NBAS: variants seen among roughly 807,000 people sequenced by gnomAD.
The protein encoded by NBAS is NBAS subunit of NRZ tethering complex.
Under a neutral mutation model 302.5 loss-of-function variants are expected in NBAS, and 219 were observed. The ratio of observed to expected loss-of-function variants is 0.72; its 90% CI spans 0.65 to 0.81. NBAS has a LOEUF of 0.81. NBAS is among the 30% of genes least tolerant of loss of function. NBAS has a pLI of 0.00. For missense variants in NBAS, 2,932 were observed against 2,841.6 expected, an observed-to-expected ratio of 1.03 and a Z score of -0.72; for synonymous variants, 1,118 against 1,021.6, an observed-to-expected ratio of 1.09 and a Z score of -1.80.
intron 34 of NBAS, 147 bp downstream of exon 34, chr2:15,353,406 T>A: frequency 1.0e-6 from 1 of 986,568 alleles, no homozygotes; most frequent in Non-Finnish European, 1.6e-6. Context: ...AATATTTTCA[T>A]GTCCCTTTTC....
intron 12 of NBAS, among the ~76,000 whole-genome samples, chr2:15,485,062 C>A (rs1861768): frequency 0.63 from 95,021 of 151,692 alleles, 30,489 homozygotes; most frequent in Middle Eastern, 0.68. Context: ...TACCACCTTC[C>A]CCCAACCCCA....
At chr2:15,501,635 G>A (rs1292675863) in intron 11 of NBAS, among the ~76,000 whole-genome samples, 2 of 138,996 alleles carry the variant, frequency 1.4e-5, no homozygotes, top group Non-Finnish European at 3.0e-5. Flanking sequence ...TGTCGCCCAG[G>A]CTGGAGTGCA....
At chr2:15,391,258 C>T (rs1193021191) in intron 28 of NBAS, among the ~76,000 whole-genome samples, 2 of 151,108 alleles carry the variant, frequency 1.3e-5, no homozygotes, top group Non-Finnish European at 2.9e-5. Flanking sequence ...AAAAAGCAAA[C>T]GATGGTGTTA....
chr2:15,059,947 T>TAA, the NBAS span, among the ~76,000 whole-genome samples: 9 of 50,026 alleles, frequency 1.8e-4, no homozygotes, highest in East Asian at 5.2e-4. Context: ...GCAGTGCTGC[T>TAA]AAAAAAAAAA....
chr2:15,394,250 T>G lies in NBAS; in HGVS notation c.3234A>C (p.Arg1078Ser), dbSNP rs966269568. 23 of 1,611,458 alleles carry G rather than the reference T, an allele frequency of 1.4e-5. No homozygotes were observed. Among genetic ancestry groups the G allele is most frequent in the Non-Finnish European group, 2.0e-5 (23 of 1,178,586 alleles). The part of the protein sequence containing the change: ...SSEEARKLMV[R>S]LTRHTGRKQP... ...ACTTCCGGCCAGTGTGCCTCGTCAA[T>G]CTAACCATCAGCTTGCGTGCCTCTT... The change falls in exon 28 of 52, where the codon AGA becomes AGC. Residue 1078 changes from arginine to serine, a missense_variant. Physicochemically the swap from Arg to Ser is moderately radical, Grantham distance 110. Coordinates refer to ENST00000281513, the MANE Select transcript of NBAS (RefSeq NM_015909.4).
the NBAS span, among the ~76,000 whole-genome samples, chr2:15,023,726 A>G: frequency 4.4e-4 from 66 of 151,090 alleles, no homozygotes; most frequent in African/African-American, 1.6e-3. Flanking sequence ...GCTTTTCTCT[A>G]AGTTGAAAAT....
At chr2:15,159,071 C>T in the NBAS span, among the ~76,000 whole-genome samples, 1 of 152,188 alleles carries the variant, frequency 6.6e-6, no homozygotes, top group Non-Finnish European at 1.5e-5. Context: ...TCTTCCACCC[C>T]TTTGCTCTTG....
the NBAS span, among the ~76,000 whole-genome samples, chr2:14,956,880 C>A: frequency 6.6e-6 from 1 of 151,992 alleles, no homozygotes; most frequent in Non-Finnish European, 1.5e-5. Context: ...GGTATGCTCC[C>A]CCAAAATTCA....
the NBAS span, among the ~76,000 whole-genome samples, chr2:14,969,146 T>A: frequency 1.3e-5 from 2 of 152,118 alleles, no homozygotes; most frequent in African/African-American, 4.8e-5. Flanking sequence ...CCTAGAATAG[T>A]CAATTCTACA....
the NBAS span, among the ~76,000 whole-genome samples, chr2:14,914,533 C>T: frequency 6.6e-6 from 1 of 152,186 alleles, no homozygotes; most frequent in Non-Finnish European, 1.5e-5. Flanking sequence ...CTGTGCCCAG[C>T]CCCTTGTCAA....
intron 38 of NBAS, among the ~76,000 whole-genome samples, chr2:15,311,363 G>A (rs1671267659): frequency 6.6e-6 from 1 of 152,174 alleles, no homozygotes; most frequent in African/African-American, 2.4e-5. Flanking sequence ...AAAGTGCAGA[G>A]CATCACTCTA....
chr2:14,844,600 G>A, the NBAS span, among the ~76,000 whole-genome samples: 1 of 152,116 alleles, frequency 6.6e-6, no homozygotes, highest in Non-Finnish European at 1.5e-5. Flanking sequence ...GTGGGCTCAT[G>A]GGGTCCCCAA....
chr2:14,804,172 A>T, the NBAS span, among the ~76,000 whole-genome samples: 1 of 152,174 alleles, frequency 6.6e-6, no homozygotes, highest in Non-Finnish European at 1.5e-5. Context: ...CACCCAATGC[A>T]CATGTGCCCC....
the NBAS span, among the ~76,000 whole-genome samples, chr2:14,800,791 G>GTT: frequency 8.0e-4 from 111 of 137,906 alleles, no homozygotes; most frequent in African/African-American, 2.2e-3. Flanking sequence ...AATTGTTTTT[G>GTT]TTTTTTTTTT....
At chr2:15,149,135 A>G in the NBAS span, among the ~76,000 whole-genome samples, 3 of 152,336 alleles carry the variant, frequency 2.0e-5, no homozygotes, top group Middle Eastern at 3.4e-3. Context: ...TGGAACACTT[A>G]AAAGGTGATT....
intron 38 of NBAS, among the ~76,000 whole-genome samples, chr2:15,321,336 C>T (rs1260948585): frequency 6.6e-6 from 1 of 152,166 alleles, no homozygotes; most frequent in African/African-American, 2.4e-5. Context: ...TAGGCCTGGG[C>T]AAGGACTTCA....
chr2:15,288,925 T>C (rs1345278807), intron 41 of NBAS, among the ~76,000 whole-genome samples: 1 of 152,262 alleles, frequency 6.6e-6, no homozygotes, highest in Non-Finnish European at 1.5e-5. Flanking sequence ...GTCTTCTTTT[T>C]ATGGCTTTTG....
At chr2:15,163,067 C>T (rs550049669), downstream of NBAS, among the ~76,000 whole-genome samples, 3 of 152,212 alleles carry the variant, frequency 2.0e-5, 1 homozygote, top group South Asian at 4.1e-4. Context: ...CTGGGAGCTG[C>T]GCTGACTGGG....
chr2:15,240,995 C>T (rs975740978), intron 44 of NBAS, among the ~76,000 whole-genome samples: 12 of 152,144 alleles, frequency 7.9e-5, no homozygotes, highest in African/African-American at 2.4e-4. Context: ...TAGGGGTCAT[C>T]GTGTACAAGA....
Sources: allele counts gnomAD v4.1 joint callset (sites outside exome capture counted in the v4.1 genomes callset), GRCh38; gene constraint gnomAD v4.1.1; transcripts MANE v1.5; gene names NCBI Gene and HGNC (gene_info 2026-07-23, HGNC 2026-07-21).